Variants in GMDS observed in about 807,000 individuals in gnomAD.
GMDS encodes GDP-mannose 4,6 dehydratase.
In GMDS, 20 loss-of-function variants were observed where a neutral mutation model predicts 49.9. The observed-to-expected ratio is 0.40, with a 90% CI of 0.28 to 0.58. The LOEUF (loss-of-function observed/expected upper bound fraction) is 0.58, where lower values mean the gene tolerates loss of function less well. Ranked by LOEUF, GMDS falls within the 20% of genes least tolerant of loss-of-function variation. The pLI is 0.42. For missense variants in GMDS, 362 were observed against 481.4 expected (o/e 0.75, Z 2.32); for synonymous variants, 177 against 178.6 (o/e 0.99, Z 0.07).
intron 1 of GMDS, among the ~76,000 whole-genome samples, chr6:2,143,113 G>A (rs1309209759): frequency 6.6e-6 from 1 of 152,160 alleles, no homozygotes; most frequent in Non-Finnish European, 1.5e-5. Context: ...GTTGCTGGTT[G>A]GCTGGAATAC....
At chr6:1,843,145 A>AAATAC (rs1757222641) in intron 7 of GMDS, among the ~76,000 whole-genome samples, 1 of 152,032 alleles carries the variant, frequency 6.6e-6, no homozygotes, top group East Asian at 1.9e-4. Flanking sequence ...AAATAAAATA[A>AAATAC]AATAAAGAGA....
chr6:1,971,493 C>G (rs1439525426), intron 4 of GMDS, among the ~76,000 whole-genome samples: 1 of 152,214 alleles, frequency 6.6e-6, no homozygotes, highest in Admixed American at 6.5e-5. Flanking sequence ...AATGTGACAT[C>G]TTTGTTTGCC....
rs567862916 is a variant in GMDS at position 2,097,478 on chromosome 6, T to C, written c.345+18293A>G. On this transcript the variant is annotated intron_variant, in intron 4 of 10. Coordinates refer to ENST00000380815, the MANE Select transcript of GMDS (RefSeq NM_001500.4). ...GAGGGGTGAAACTGAATGTAAATTA[T>C]GCCTGGCTTTAAATATAAGAGTTTT... Among the ~76,000 whole-genome samples, 7 of 152,332 alleles carry C rather than the reference T, an allele frequency of 4.6e-5. 1 individual carries two copies. In the South Asian group the frequency reaches 1.4e-3, roughly 32 times the overall value.
chr6:2,025,355 GGGGT>G (rs1264740571), intron 4 of GMDS, among the ~76,000 whole-genome samples: 7 of 120,172 alleles, frequency 5.8e-5, no homozygotes, highest in African/African-American at 2.2e-4. Flanking sequence ...ATCTGATGGT[GGGGT>G]GTGTGTGTGT....
chr6:1,736,575 T>C (rs1767008246), intron 8 of GMDS, among the ~76,000 whole-genome samples: 1 of 152,214 alleles, frequency 6.6e-6, no homozygotes, highest in Non-Finnish European at 1.5e-5. Context: ...AGGTGAGTTA[T>C]ATTTCCATCA....
intron 4 of GMDS, among the ~76,000 whole-genome samples, chr6:1,987,230 A>G (rs1250405584): frequency 6.6e-6 from 1 of 152,208 alleles, no homozygotes; most frequent in African/African-American, 2.4e-5. Flanking sequence ...GTGTCAAGGG[A>G]AAAAAGACTG....
At chr6:2,230,949 C>T (rs1446149885) in intron 1 of GMDS, among the ~76,000 whole-genome samples, 1 of 96,850 alleles carries the variant, frequency 1.0e-5, no homozygotes, top group African/African-American at 4.0e-5. Flanking sequence ...CCACCCCCCC[C>T]CCCCGTTCCT....
At chr6:1,989,224 T>C (rs977500277) in intron 4 of GMDS, among the ~76,000 whole-genome samples, 3 of 152,164 alleles carry the variant, frequency 2.0e-5, no homozygotes, top group Middle Eastern at 3.2e-3. Flanking sequence ...AAGAAGTAGA[T>C]AGGGCTAAGT....
chr6:1,761,846 C>G (rs1768170156), intron 7 of GMDS, among the ~76,000 whole-genome samples: 2 of 151,974 alleles, frequency 1.3e-5, no homozygotes, highest in South Asian at 4.2e-4. Flanking sequence ...ATTTTTCTTC[C>G]AAGTACACAA....
At chr6:2,087,404 G>C (rs142154444) in intron 4 of GMDS, among the ~76,000 whole-genome samples, 1 of 152,274 alleles carries the variant, frequency 6.6e-6, no homozygotes, top group Non-Finnish European at 1.5e-5. Flanking sequence ...ATTAATTAGT[G>C]ATAATAATCT....
chr6:1,863,836 A>G (rs1009374345), intron 7 of GMDS, among the ~76,000 whole-genome samples: 10 of 152,180 alleles, frequency 6.6e-5, no homozygotes, highest in Admixed American at 1.3e-4. Flanking sequence ...TCTGCATTTT[A>G]GCAAATCACA....
At chr6:1,723,455 T>C (rs138186953) in intron 9 of GMDS, among the ~76,000 whole-genome samples, 4,152 of 151,862 alleles carry the variant, frequency 0.027, 180 homozygotes, top group Admixed American at 0.082. Flanking sequence ...GCCTCCTGAG[T>C]AGCTGGGACT....
At chr6:1,847,337 C>T (rs9503028) in intron 7 of GMDS, among the ~76,000 whole-genome samples, 21,158 of 152,128 alleles carry the variant, frequency 0.14, 2,383 homozygotes, top group African/African-American at 0.31. Context: ...GTATGAGCCA[C>T]GGCACCTGCC....
At chr6:1,726,281 T>C in intron 9 of GMDS, 135 bp downstream of exon 9, 1 of 656,668 alleles carries the variant, frequency 1.5e-6, no homozygotes, top group Non-Finnish European at 2.8e-6. Context: ...TGTTCTGATT[T>C]TGGAAATGCA....
At chr6:2,127,004 G>A (rs1775486505) in intron 1 of GMDS, among the ~76,000 whole-genome samples, 1 of 152,178 alleles carries the variant, frequency 6.6e-6, no homozygotes, top group Non-Finnish European at 1.5e-5. Context: ...GTGCAGAAGA[G>A]AAAATGTTTG....
At chr6:1,847,463 C>T (rs1022660686) in intron 7 of GMDS, among the ~76,000 whole-genome samples, 3 of 152,186 alleles carry the variant, frequency 2.0e-5, no homozygotes, top group Non-Finnish European at 4.4e-5. Flanking sequence ...GAAGCCTATT[C>T]AGTCTGTCTT....
chr6:2,094,340 A>C (rs1201237213), intron 4 of GMDS, among the ~76,000 whole-genome samples: 1 of 152,264 alleles, frequency 6.6e-6, no homozygotes, highest in Non-Finnish European at 1.5e-5. Context: ...AGATAAATCT[A>C]AAGTCCTCTA....
chr6:1,625,415 T>G (rs1458416376), intron 9 of GMDS: 1 of 152,198 alleles, frequency 6.6e-6, no homozygotes. Flanking sequence ...AGCCAGCAGC[T>G]CTGCAGGACC....
chr6:1,822,467 C>G (rs555543442), intron 7 of GMDS, among the ~76,000 whole-genome samples: 33 of 152,170 alleles, frequency 2.2e-4, no homozygotes, highest in African/African-American at 7.2e-4. Context: ...TATACAAACT[C>G]CGGTAATAAT....
Sources: allele counts gnomAD v4.1 joint callset (sites outside exome capture counted in the v4.1 genomes callset), GRCh38; gene constraint gnomAD v4.1.1; transcripts MANE v1.5; gene names NCBI Gene and HGNC (gene_info 2026-07-23, HGNC 2026-07-21).